RBM47: variants seen among roughly 807,000 people sequenced by gnomAD.
The protein encoded by RBM47 is RNA-binding protein 47.
RBM47 carries 21 observed loss-of-function variants against 47.1 expected under a neutral mutation model. The observed-to-expected ratio is 0.45, with a 90% CI of 0.32 to 0.64. The LOEUF (loss-of-function observed/expected upper bound fraction) is 0.64, where lower values mean the gene tolerates loss of function less well. Among genes scored for constraint, RBM47 ranks in the 30% least tolerant of loss-of-function variants. The probability of loss-of-function intolerance (pLI) is 0.05; values close to 1 mark genes in which losing one functional copy is unlikely to be tolerated. For synonymous variants in RBM47, 375 were observed against 361.7 expected, an observed-to-expected ratio of 1.04 and a Z score of -0.42; for missense variants, 708 against 870.9, an observed-to-expected ratio of 0.81 and a Z score of 2.35.
intron 1 of RBM47, among the ~76,000 whole-genome samples, chr4:40,593,473 G>A (rs1734450299): frequency 6.6e-6 from 1 of 152,086 alleles, no homozygotes; most frequent in Non-Finnish European, 1.5e-5. Context: ...CAAGGGAATC[G>A]CTTAGAAAAT....
At chr4:40,534,872 T>C in intron 2 of RBM47, among the ~76,000 whole-genome samples, 1 of 150,932 alleles carries the variant, frequency 6.6e-6, no homozygotes, top group East Asian at 1.9e-4. Context: ...GAGGCGGAGC[T>C]TGCAGTGAGC....
intron 2 of RBM47, among the ~76,000 whole-genome samples, chr4:40,535,371 C>CTTTTTTTTTTTTTTTTTGTTTTTT (rs1553897873): frequency 1.9e-5 from 2 of 103,434 alleles, no homozygotes; most frequent in Non-Finnish European, 3.7e-5. Flanking sequence ...TATGGTATTT[C>CTTTTTTTTTTTTTTTTTGTTTTTT]TTTTTTTTTT....
intron 2 of RBM47, among the ~76,000 whole-genome samples, chr4:40,487,780 G>C (rs1426122344): frequency 1.3e-5 from 2 of 152,096 alleles, no homozygotes; most frequent in East Asian, 3.9e-4. Context: ...ACTAAATTTA[G>C]TCTTCCAAAA....
chr4:40,438,050 C>T lies in RBM47; in HGVS notation c.844G>A (p.Asp282Asn), dbSNP rs1423625557. 1.2e-6 allele frequency: 2 copies of T among 1,613,648 alleles called. No homozygotes were observed. The highest frequency in any genetic ancestry group is 1.1e-5 in the South Asian group (1 of 91,094). ...GCVERVKKIRDYAFVHFTSRE... is the reference protein window; with the variant it reads ...GCVERVKKIRNYAFVHFTSRE... The stretch of plus-strand genomic sequence containing the variant: ...CTGGTGAAGTGCACGAAGGCGTAGT[C>T]GCGGATCTTCTTGACGCGCTCCACG... The change falls in exon 4 of 7, where the codon GAC (aspartate) becomes AAC (asparagine). Residue 282 changes from aspartate to asparagine, a missense_variant. Asp to Asn is a conservative substitution (Grantham distance 23, BLOSUM62 1). Coordinates refer to ENST00000295971, the MANE Select transcript of RBM47 (RefSeq NM_001098634.2).
Position 40,436,477 on chromosome 4 carries a change from G to C in RBM47, c.1294C>G (p.Pro432Ala), listed in dbSNP as rs1712428210. Residue 432 changes from proline (P) to alanine (A), a missense_variant, in exon 5 of 7, where the codon CCT becomes GCT. Coordinates refer to ENST00000295971, the MANE Select transcript of RBM47 (RefSeq NM_001098634.2). ...TTAATGGCAACTGGGTTGACGGTAG[G>C]GATTTCCAAATTCGGCACCAGTTCA... Reference protein sequence around the residue: ...GYELVPNLEIPTVNPVAIKPG... With the variant: ...GYELVPNLEIATVNPVAIKPG... 1.9e-6 allele frequency: 3 copies of C among 1,614,046 alleles called. No individual in the cohort carries two copies. Among genetic ancestry groups the C allele is most frequent in the Admixed American group, 1.7e-5 (1 of 60,012 alleles).
At chr4:40,504,017 A>G (rs925416002) in intron 2 of RBM47, among the ~76,000 whole-genome samples, 9 of 152,086 alleles carry the variant, frequency 5.9e-5, no homozygotes, top group African/African-American at 2.2e-4. Flanking sequence ...TGGAAAAAAA[A>G]GTGAAAAAAA....
chr4:40,595,355 T>C (rs1221456194), intron 1 of RBM47, among the ~76,000 whole-genome samples: 1 of 151,524 alleles, frequency 6.6e-6, no homozygotes, highest in Non-Finnish European at 1.5e-5. Context: ...TTAGCCAGGC[T>C]TGGTGGCAGG....
intron 2 of RBM47, among the ~76,000 whole-genome samples, chr4:40,469,770 T>G (rs573690795): frequency 6.6e-6 from 1 of 152,098 alleles, no homozygotes; most frequent in Non-Finnish European, 1.5e-5. Flanking sequence ...CTTCTTTCCC[T>G]TTTTATGATG....
chr4:40,586,624 G>A (rs2170438), intron 1 of RBM47, among the ~76,000 whole-genome samples: 5,064 of 149,794 alleles, frequency 0.034, 300 homozygotes, highest in African/African-American at 0.12. Context: ...TTGGCGCTCC[G>A]TCCACTTTTC....
chr4:40,555,461 G>C (rs1307348335), intron 1 of RBM47, among the ~76,000 whole-genome samples: 1 of 152,212 alleles, frequency 6.6e-6, no homozygotes, highest in Non-Finnish European at 1.5e-5. Context: ...ATAGTGATGG[G>C]TGTGATCAAG....
intron 1 of RBM47, among the ~76,000 whole-genome samples, chr4:40,572,232 A>C (rs575114993): frequency 1.3e-5 from 2 of 151,178 alleles, no homozygotes; most frequent in African/African-American, 4.8e-5. Context: ...AAAATACAAA[A>C]ATTAGCTGGA....
At chr4:40,490,363 G>A (rs573841649) in intron 2 of RBM47, among the ~76,000 whole-genome samples, 48 of 152,182 alleles carry the variant, frequency 3.2e-4, no homozygotes, top group African/African-American at 1.1e-3. Context: ...CATAGATGAC[G>A]TAGTCAATTA....
chr4:40,621,253 G>T (rs1031144048), intron 1 of RBM47, among the ~76,000 whole-genome samples: 1 of 152,160 alleles, frequency 6.6e-6, no homozygotes, highest in African/African-American at 2.4e-5. Context: ...GTGAATTATG[G>T]ATCTAAACAA....
chr4:40,508,476 C>T lies in RBM47; in HGVS notation c.-155+35946G>A, dbSNP rs10004111. Reference sequence around the variant, plus strand: ...GTCATGTTTTTAATTCCTGAAAATGCTCTGCGTTGTGGTCTGTTCTTACAA... The same window carrying T: ...GTCATGTTTTTAATTCCTGAAAATGTTCTGCGTTGTGGTCTGTTCTTACAA... On this transcript the variant is annotated intron_variant, in intron 2 of 6. Transcript: ENST00000295971. 4.7e-3 allele frequency among the ~76,000 whole-genome samples: 722 copies of T among 152,262 alleles called. 5 individuals are homozygous for T. Among genetic ancestry groups the T allele is most frequent in the African/African-American group, 0.017 (689 of 41,540 alleles).
At chr4:40,498,670 C>CAAAA (rs910303039) in intron 2 of RBM47, among the ~76,000 whole-genome samples, 1 of 62,574 alleles carries the variant, frequency 1.6e-5, no homozygotes, top group Non-Finnish European at 3.4e-5. Context: ...GACTCCATCT[C>CAAAA]AAAAAAAAAA....
At chr4:40,578,804 T>A (rs1732578161) in intron 1 of RBM47, among the ~76,000 whole-genome samples, 1 of 152,216 alleles carries the variant, frequency 6.6e-6, no homozygotes, top group African/African-American at 2.4e-5. Flanking sequence ...GGCACAATGC[T>A]ACACACAGTA....
At chr4:40,618,235 C>CA (rs34659484) in intron 1 of RBM47, among the ~76,000 whole-genome samples, 11 of 147,642 alleles carry the variant, frequency 7.5e-5, no homozygotes, top group South Asian at 4.3e-4. Flanking sequence ...GCAAGACCCT[C>CA]AAAAAAAAAG....
At chr4:40,485,842 T>G (rs993145695) in intron 2 of RBM47, among the ~76,000 whole-genome samples, 2 of 151,338 alleles carry the variant, frequency 1.3e-5, no homozygotes, top group Non-Finnish European at 2.9e-5. Context: ...GGCGGATTGC[T>G]TGAGTCCAGG....
intron 2 of RBM47, among the ~76,000 whole-genome samples, chr4:40,468,404 C>T (rs946635639): frequency 1.3e-5 from 2 of 152,076 alleles, no homozygotes; most frequent in Non-Finnish European, 2.9e-5. Flanking sequence ...CTTTTTTCCA[C>T]CAAAAATCTA....
Sources: allele counts gnomAD v4.1 joint callset (sites outside exome capture counted in the v4.1 genomes callset), GRCh38; gene constraint gnomAD v4.1.1; transcripts MANE v1.5; gene names NCBI Gene and HGNC (gene_info 2026-07-23, HGNC 2026-07-21).